Variants in TRPM3 observed in about 807,000 individuals in gnomAD.
TRPM3 encodes transient receptor potential cation channel subfamily M member 3, also known as long transient receptor potential channel 3.
TRPM3 carries 77 observed loss-of-function variants against 181.2 expected under a neutral mutation model. The ratio of observed to expected loss-of-function variants is 0.42; its 90% CI spans 0.35 to 0.51. TRPM3 has a LOEUF of 0.51. Among genes scored for constraint, TRPM3 ranks in the 20% least tolerant of loss-of-function variants. The pLI, the probability that TRPM3 is intolerant of heterozygous loss-of-function variation, is 0.01. For synonymous variants in TRPM3, 745 were observed against 796.4 expected, an observed-to-expected ratio of 0.94 and a Z score of 1.09; for missense variants, 1,759 against 2,196.7, an observed-to-expected ratio of 0.80 and a Z score of 3.98.
chr9:71,018,454 C>T (rs1321934848), intron 1 of TRPM3, among the ~76,000 whole-genome samples: 6 of 151,398 alleles, frequency 4.0e-5, no homozygotes, highest in Non-Finnish European at 8.9e-5. Flanking sequence ...AGAAAAGTTG[C>T]AAAAAACCAA....
rs1003719469 is a variant in TRPM3, at chr9:70,664,648, T to G, written c.1345+16858A>C. Among the ~76,000 whole-genome samples the G allele has an allele frequency of 3.7e-5, 3 of 82,174 alleles. No individual in the cohort carries two copies. The East Asian group carries it at 7.8e-4, about 21-fold the overall frequency. 53.9% of individuals were successfully genotyped at this position (82,174 alleles called of 152,430 possible). A position where few individuals can be genotyped will look rare whatever the true frequency, so the allele number is the denominator to read the frequency against. On this transcript the variant is annotated intron_variant, in intron 9 of 25. Transcript: ENST00000677713. ...CACCCGATTAGGAGAGTAGTTTTTT[T>G]TTTTTTTTTTTTTTTTTTTTGAGAC...
intron 3 of TRPM3, among the ~76,000 whole-genome samples, chr9:70,852,232 AG>A (rs1363907433): frequency 1.3e-5 from 2 of 151,752 alleles, no homozygotes; most frequent in Non-Finnish European, 1.5e-5. Context: ...ACTGTGCACC[AG>A]GCACATGCAT....
chr9:71,154,782 C>A (rs1187241397), intron 1 of TRPM3, among the ~76,000 whole-genome samples: 3 of 152,096 alleles, frequency 2.0e-5, no homozygotes, highest in Non-Finnish European at 4.4e-5. Context: ...TTTTTCCCAA[C>A]CAATTTGATC....
intron 1 of TRPM3, among the ~76,000 whole-genome samples, chr9:71,148,167 A>G (rs1413671358): frequency 1.3e-4 from 20 of 152,112 alleles, no homozygotes; most frequent in Non-Finnish European, 4.4e-5. Flanking sequence ...GAGCAAAACT[A>G]TGTACCTTAG....
chr9:70,595,426 G>C (rs898177082), intron 21 of TRPM3, among the ~76,000 whole-genome samples: 1 of 152,138 alleles, frequency 6.6e-6, no homozygotes, highest in Non-Finnish European at 1.5e-5. Context: ...GTGTGTGCAC[G>C]TGTGCATGCT....
At chr9:71,424,985 C>T (rs1262398453) in intron 1 of TRPM3, among the ~76,000 whole-genome samples, 2 of 152,106 alleles carry the variant, frequency 1.3e-5, no homozygotes, top group African/African-American at 4.8e-5. Context: ...ATGAAATGGG[C>T]TATTTAATAT....
intron 1 of TRPM3, among the ~76,000 whole-genome samples, chr9:71,148,177 G>C (rs912420885): frequency 2.6e-5 from 4 of 152,034 alleles, no homozygotes; most frequent in Non-Finnish European, 2.9e-5. Flanking sequence ...ATGTACCTTA[G>C]TTTTGAGTCC....
chr9:71,187,782 A>G (rs2077761225), intron 1 of TRPM3, among the ~76,000 whole-genome samples: 1 of 151,920 alleles, frequency 6.6e-6, no homozygotes, highest in Admixed American at 6.6e-5. Context: ...TTCCAAGAAT[A>G]TATGATCATA....
chr9:71,059,620 A>T (rs1192628335), intron 1 of TRPM3, among the ~76,000 whole-genome samples: 2 of 152,010 alleles, frequency 1.3e-5, no homozygotes, highest in African/African-American at 4.8e-5. Flanking sequence ...TTAAATAAAG[A>T]AGTTTATCCT....
chr9:71,071,353 C>T (rs1000402112), intron 1 of TRPM3, among the ~76,000 whole-genome samples: 2 of 152,006 alleles, frequency 1.3e-5, no homozygotes, highest in African/African-American at 2.4e-5. Flanking sequence ...CTTTTGATTA[C>T]AAAAGTATAG....
chr9:71,187,492 G>A (rs1244640672), intron 1 of TRPM3, among the ~76,000 whole-genome samples: 1 of 151,936 alleles, frequency 6.6e-6, no homozygotes, highest in Non-Finnish European at 1.5e-5. Context: ...TACCCAGGCA[G>A]ATACCCTTTT....
At chr9:70,906,183 G>A (rs2096462228) in intron 1 of TRPM3, among the ~76,000 whole-genome samples, 1 of 151,848 alleles carries the variant, frequency 6.6e-6, no homozygotes, top group Non-Finnish European at 1.5e-5. Context: ...ATAAATAGGG[G>A]AAGAAGTTTT....
At chr9:71,180,301 C>T (rs2077329632) in intron 1 of TRPM3, among the ~76,000 whole-genome samples, 1 of 152,034 alleles carries the variant, frequency 6.6e-6, no homozygotes, top group Non-Finnish European at 1.5e-5. Context: ...GTGATCCACC[C>T]ACCTTGGCCT....
intron 1 of TRPM3, among the ~76,000 whole-genome samples, chr9:71,349,641 G>A (rs1226872995): frequency 6.6e-6 from 1 of 152,070 alleles, no homozygotes; most frequent in Non-Finnish European, 1.5e-5. Flanking sequence ...TCTTTCATAG[G>A]TCCATTTTAA....
chr9:70,909,789 G>T (rs2096519244), intron 1 of TRPM3, among the ~76,000 whole-genome samples: 1 of 152,146 alleles, frequency 6.6e-6, no homozygotes, highest in African/African-American at 2.4e-5. Context: ...CAGTGCAAAA[G>T]CAATTGTGGT....
chr9:71,140,520 C>T (rs1234150712), intron 1 of TRPM3, among the ~76,000 whole-genome samples: 1 of 152,112 alleles, frequency 6.6e-6, no homozygotes, highest in East Asian at 1.9e-4. Flanking sequence ...TGACACCTCC[C>T]CAAGTTTGGT....
In TRPM3 at chr9:70,629,219, G is replaced by GAGC. The variant is rs1554790188; in HGVS notation, c.1633-3703_1633-3702insGCT. On this transcript the variant is annotated intron_variant, in intron 12 of 25. Transcript: ENST00000677713. ...AAATGATTCTGTGACCAGTGCCGGG[G>GAGC]GGGGGGGGGGCCTGCGTTCTGTTTG... 1.9e-4 allele frequency among the ~76,000 whole-genome samples: 14 copies of GAGC among 73,966 alleles called. 5 individuals are homozygous for GAGC. Among genetic ancestry groups the GAGC allele is most frequent in the Non-Finnish European group, 3.4e-4 (11 of 31,896 alleles). 48.5% of individuals were successfully genotyped at this position (73,966 alleles called of 152,430 possible).
intron 1 of TRPM3, among the ~76,000 whole-genome samples, chr9:71,288,286 C>T (rs371761792): frequency 2.6e-5 from 4 of 151,760 alleles, no homozygotes; most frequent in South Asian, 2.1e-4. Context: ...ATATTGTCTA[C>T]GATAAACGCT....
intron 9 of TRPM3, among the ~76,000 whole-genome samples, chr9:70,643,439 T>G (rs2058371065): frequency 6.6e-6 from 1 of 152,114 alleles, no homozygotes; most frequent in South Asian, 2.1e-4. Context: ...GTTATTGAGG[T>G]CAAGGTGAGC....
Sources: allele counts gnomAD v4.1 joint callset (sites outside exome capture counted in the v4.1 genomes callset), GRCh38; gene constraint gnomAD v4.1.1; transcripts MANE v1.5; gene names NCBI Gene and HGNC (gene_info 2026-07-23, HGNC 2026-07-21).